The following ATG5 variants were observed in gnomAD, a reference collection of about 807,000 sequenced individuals.
ATG5 encodes autophagy protein 5.
Under a neutral mutation model 36.5 loss-of-function variants are expected in ATG5, and 14 were observed. The ratio of observed to expected loss-of-function variants is 0.38; its 90% CI spans 0.25 to 0.60. ATG5 has a LOEUF of 0.60. Ranked by LOEUF, ATG5 falls within the 20% of genes least tolerant of loss-of-function variation. The pLI is 0.60. For synonymous variants in ATG5, 95 were observed against 101.5 expected (o/e 0.94, Z 0.38); for missense variants, 195 against 326.7 (o/e 0.60, Z 3.11).
At chr6:106,294,150 A>AC (rs1780438719) in intron 3 of ATG5, among the ~76,000 whole-genome samples, 1 of 152,112 alleles carries the variant, frequency 6.6e-6, no homozygotes, top group African/African-American at 2.4e-5. Flanking sequence ...TGGGATGCTC[A>AC]CCCTGTACTC....
chr6:106,290,217 A>T (rs1014808424), intron 4 of ATG5, among the ~76,000 whole-genome samples: 4 of 145,746 alleles, frequency 2.7e-5, no homozygotes, highest in Admixed American at 6.9e-5. Flanking sequence ...TATTTTATTT[A>T]TTTTATATAT....
At chr6:106,311,993 G>A (rs923300433) in intron 2 of ATG5, among the ~76,000 whole-genome samples, 1 of 152,092 alleles carries the variant, frequency 6.6e-6, no homozygotes, top group African/African-American at 2.4e-5. Flanking sequence ...ACCACACCGG[G>A]CTAATTTTTT....
At chr6:106,224,920 T>G (rs961366662) in intron 6 of ATG5, among the ~76,000 whole-genome samples, 4 of 151,890 alleles carry the variant, frequency 2.6e-5, no homozygotes, top group Non-Finnish European at 5.9e-5. Flanking sequence ...AACACAGAAA[T>G]ACATCAATTA....
At position 106,184,581 on chromosome 6, in the gene ATG5, G is replaced by A. The variant is rs761121388; in HGVS notation, c.*1959C>T. The stretch of plus-strand genomic sequence containing the variant: ...AATTTCTGGTTTTACTCTTCCTCTA[G>A]GGCATTGTAGGCTTGACTTACCTGG... On this transcript the variant is annotated 3_prime_UTR_variant, in exon 8 of 8. Coordinates refer to ENST00000369076, the MANE Select transcript of ATG5 (RefSeq NM_004849.4). The A allele has an allele frequency of 6.6e-6, 1 of 152,228 alleles. No individual in the cohort carries two copies. The highest frequency in any genetic ancestry group is 1.5e-5 in the Non-Finnish European group (1 of 67,988). The allele number at this position is 152,228 out of a possible 1,614,324, so 9.4% of individuals were successfully genotyped here. A position where few individuals can be genotyped will look rare whatever the true frequency, so the allele number is the denominator to read the frequency against.
chr6:106,261,260 T>C (rs930731690), intron 5 of ATG5, among the ~76,000 whole-genome samples: 4 of 152,236 alleles, frequency 2.6e-5, no homozygotes, highest in East Asian at 1.9e-4. Context: ...TGTCATTTAG[T>C]AGTCACCTCA....
intron 6 of ATG5, among the ~76,000 whole-genome samples, chr6:106,243,530 G>GAA (rs1554218336): frequency 4.5e-5 from 6 of 133,384 alleles, no homozygotes; most frequent in South Asian, 2.4e-4. Flanking sequence ...CCTCTCTGGG[G>GAA]AAAAAAAAAA....
chr6:106,246,779 A>G (rs1778358916), intron 6 of ATG5, among the ~76,000 whole-genome samples: 1 of 152,244 alleles, frequency 6.6e-6, no homozygotes, highest in South Asian at 2.1e-4. Context: ...TTATACAAGT[A>G]AGATATTTTG....
intron 5 of ATG5, among the ~76,000 whole-genome samples, chr6:106,278,321 G>A (rs1319045985): frequency 6.6e-6 from 1 of 152,136 alleles, no homozygotes; most frequent in Non-Finnish European, 1.5e-5. Flanking sequence ...TAACTTATGG[G>A]CAAGCATCTT....
chr6:106,256,405 G>A (rs540520375), intron 5 of ATG5, among the ~76,000 whole-genome samples: 1 of 152,254 alleles, frequency 6.6e-6, no homozygotes, highest in African/African-American at 2.4e-5. Flanking sequence ...ACCCACTCCA[G>A]ACCAATTACC....
intron 7 of ATG5, among the ~76,000 whole-genome samples, chr6:106,200,560 C>T (rs910893140): frequency 1.3e-5 from 2 of 151,910 alleles, no homozygotes; most frequent in East Asian, 1.9e-4. Context: ...CTGCAAGCTC[C>T]GCCTTGTGGG....
At chr6:106,241,514 A>C (rs996760546) in intron 6 of ATG5, among the ~76,000 whole-genome samples, 1 of 152,212 alleles carries the variant, frequency 6.6e-6, no homozygotes, top group African/African-American at 2.4e-5. Context: ...AATAACTGAA[A>C]ACAGGGTGTA....
chr6:106,240,513 T>C (rs750557418), intron 6 of ATG5, among the ~76,000 whole-genome samples: 1 of 127,720 alleles, frequency 7.8e-6, no homozygotes. Context: ...AGAGAATTAT[T>C]AGTTAAAGTA....
intron 3 of ATG5, among the ~76,000 whole-genome samples, chr6:106,306,872 C>A (rs939720618): frequency 1.3e-5 from 2 of 152,156 alleles, no homozygotes; most frequent in African/African-American, 4.8e-5. Context: ...AAATGGGAAG[C>A]ATTGCCTTAT....
At chr6:106,313,348 A>G (rs2114674880) in intron 2 of ATG5, among the ~76,000 whole-genome samples, 1 of 152,330 alleles carries the variant, frequency 6.6e-6, no homozygotes, top group African/African-American at 2.4e-5. Flanking sequence ...CAGGGCTCAG[A>G]GACATAGTCA....
intron 2 of ATG5, among the ~76,000 whole-genome samples, chr6:106,311,545 A>G (rs977858218): frequency 1.3e-5 from 2 of 152,212 alleles, no homozygotes; most frequent in African/African-American, 4.8e-5. Context: ...GAATACAAAG[A>G]AACAAAGATG....
At chr6:106,204,076 G>A (rs954504213) in intron 6 of ATG5, among the ~76,000 whole-genome samples, 5 of 152,072 alleles carry the variant, frequency 3.3e-5, no homozygotes, top group South Asian at 2.1e-4. Flanking sequence ...AAGGCCTGTC[G>A]GGGAGTAGGG....
At chr6:106,269,530 C>T (rs978890554) in intron 5 of ATG5, among the ~76,000 whole-genome samples, 15 of 152,240 alleles carry the variant, frequency 9.9e-5, no homozygotes, top group Non-Finnish European at 2.1e-4. Flanking sequence ...TGGCGGGCTG[C>T]AGGTCCCGAG....
At chr6:106,188,216 A>C (rs750417713) in intron 7 of ATG5, among the ~76,000 whole-genome samples, 2 of 152,202 alleles carry the variant, frequency 1.3e-5, no homozygotes, top group Non-Finnish European at 2.9e-5. Context: ...AGCTATCTGG[A>C]ATGATTCATT....
At chr6:106,270,662 A>AAT (rs1173540342) in intron 5 of ATG5, among the ~76,000 whole-genome samples, 2 of 152,190 alleles carry the variant, frequency 1.3e-5, no homozygotes. Context: ...CCACACTCAC[A>AAT]ATATTTAATT....
Sources: allele counts gnomAD v4.1 joint callset (sites outside exome capture counted in the v4.1 genomes callset), GRCh38; gene constraint gnomAD v4.1.1; transcripts MANE v1.5; gene names NCBI Gene and HGNC (gene_info 2026-07-23, HGNC 2026-07-21).